Variants in DIP2C observed in about 807,000 individuals in gnomAD.
The protein encoded by DIP2C is disco-interacting protein 2 homolog C.
DIP2C carries 33 observed loss-of-function variants against 192.4 expected under a neutral mutation model. The ratio of observed to expected loss-of-function variants is 0.17; its 90% CI spans 0.13 to 0.23. The LOEUF is 0.23. Ranked by LOEUF, DIP2C falls within the 10% of genes least tolerant of loss-of-function variation. DIP2C has a pLI of 1.00. For missense variants in DIP2C, 1,537 were observed against 2,110.1 expected (o/e 0.73, Z 5.32); for synonymous variants, 979 against 864.1 (o/e 1.13, Z -2.33).
intron 4 of DIP2C, among the ~76,000 whole-genome samples, chr10:438,312 GT>G (rs1967435705): frequency 6.6e-6 from 1 of 152,110 alleles, no homozygotes; most frequent in African/African-American, 2.4e-5. Context: ...ATAAAAAGTG[GT>G]CAAGAAAAAT....
intron 4 of DIP2C, among the ~76,000 whole-genome samples, chr10:425,224 CAG>C: frequency 1.2e-5 from 1 of 86,700 alleles, no homozygotes; most frequent in African/African-American, 4.6e-5. Context: ...ACGGATGATA[CAG>C]CATGACCAGC....
At chr10:463,601 G>C (rs1296633691) in intron 3 of DIP2C, among the ~76,000 whole-genome samples, 1 of 151,882 alleles carries the variant, frequency 6.6e-6, no homozygotes, top group Non-Finnish European at 1.5e-5. Flanking sequence ...TATCCCCATC[G>C]AGCTACCATT....
intron 1 of DIP2C, among the ~76,000 whole-genome samples, chr10:545,081 A>G (rs1365288363): frequency 6.6e-6 from 1 of 151,940 alleles, no homozygotes; most frequent in Non-Finnish European, 1.5e-5. Flanking sequence ...TAGAAACTCA[A>G]AATGTCACAG....
chr10:587,188 A>C (rs1851108040), intron 1 of DIP2C, among the ~76,000 whole-genome samples: 1 of 151,354 alleles, frequency 6.6e-6, no homozygotes, highest in Non-Finnish European at 1.5e-5. Flanking sequence ...AGGGGCAAAC[A>C]GTGCAGGGTC....
chr10:465,102 C>G (rs1011534358), intron 3 of DIP2C, among the ~76,000 whole-genome samples: 9 of 123,852 alleles, frequency 7.3e-5, no homozygotes, highest in Non-Finnish European at 1.3e-4. Context: ...AATTTTAGAC[C>G]AATATCCTTG....
Position 663,142 on chromosome 10 carries a change from T to TGAGGTGAGTTAATGA in DIP2C, c.85+26351_85+26352insTCATTAACTCACCTC, listed in dbSNP as rs1588715335. 4 of 495,160 alleles carry TGAGGTGAGTTAATGA rather than the reference T, an allele frequency of 8.1e-6. No individual in the cohort carries two copies. The East Asian group carries it at 1.2e-4, about 15-fold the overall frequency. 30.7% of individuals were successfully genotyped at this position (495,160 alleles called of 1,614,324 possible). A position where few individuals can be genotyped will look rare whatever the true frequency, so the allele number is the denominator to read the frequency against. On this transcript the variant is annotated intron_variant, in intron 1 of 36. Coordinates refer to ENST00000280886, the MANE Select transcript of DIP2C (RefSeq NM_014974.3). Reference sequence around the variant, plus strand: ...TCCCTGGGGCAGCCCTACCTCAGCATGGGTGAGTTTCTGTTGCAATTCTAT... The same window carrying TGAGGTGAGTTAATGA: ...TCCCTGGGGCAGCCCTACCTCAGCATGAGGTGAGTTAATGAGGGTGAGTTTCTGTTGCAATTCTAT...
At chr10:436,812 G>T in intron 4 of DIP2C, among the ~76,000 whole-genome samples, 1 of 137,636 alleles carries the variant, frequency 7.3e-6, no homozygotes, top group Non-Finnish European at 1.5e-5. Context: ...CCTGGACATG[G>T]TAGGGTGATA....
intron 1 of DIP2C, among the ~76,000 whole-genome samples, chr10:654,051 AG>A (rs1856125715): frequency 6.6e-6 from 1 of 152,224 alleles, no homozygotes. Flanking sequence ...GGAGGTCCCC[AG>A]CCAAGTCCAA....
rs775328852 is a variant in DIP2C, at chr10:327,162, G to T, written c.3768C>A (p.Asp1256Glu). 1.2e-6 allele frequency: 2 copies of T among 1,613,924 alleles called. No individual in the cohort carries two copies. The highest frequency in any genetic ancestry group is 1.7e-6 in the Non-Finnish European group (2 of 1,180,014). ...CCACGCAGGTCCTCACTCGGGACAA[G>T]TCCAGCCCTCGCGCCTGGAGATGAT... ...QTESLKARGL[D>E]LSRVRTCVVV... is the part of the protein sequence containing the mutation. The change falls in exon 31 of 37, where the codon GAC becomes GAA. Residue 1256 changes from aspartate to glutamate, a missense_variant. Coordinates refer to ENST00000280886, the MANE Select transcript of DIP2C (RefSeq NM_014974.3).
intron 1 of DIP2C, among the ~76,000 whole-genome samples, chr10:639,883 G>GT (rs1564294153): frequency 1.3e-5 from 2 of 152,186 alleles, no homozygotes; most frequent in East Asian, 3.8e-4. Flanking sequence ...TGCTTAAAGC[G>GT]TATTTCCAGA....
chr10:412,152 A>T (rs1465843386), intron 8 of DIP2C, among the ~76,000 whole-genome samples: 1 of 152,256 alleles, frequency 6.6e-6, no homozygotes, highest in Non-Finnish European at 1.5e-5. Flanking sequence ...TTCCAGCAGC[A>T]GAGAGTGGCG....
intron 2 of DIP2C, 62 bp downstream of exon 2, chr10:486,397 T>C (rs1217915304): frequency 2.9e-5 from 42 of 1,449,172 alleles, no homozygotes; most frequent in Non-Finnish European, 3.1e-5. Context: ...TCCAGATGTT[T>C]CTCTGGCACA....
At chr10:488,296 A>G (rs1403000600) in intron 1 of DIP2C, among the ~76,000 whole-genome samples, 5 of 152,204 alleles carry the variant, frequency 3.3e-5, no homozygotes, top group Non-Finnish European at 7.3e-5. Flanking sequence ...CTCTGTGCTC[A>G]CGGCCTGCTC....
intron 1 of DIP2C, among the ~76,000 whole-genome samples, chr10:561,149 G>A (rs781025005): frequency 6.6e-6 from 1 of 152,174 alleles, no homozygotes; most frequent in Non-Finnish European, 1.5e-5. Flanking sequence ...TGACCACCTT[G>A]GGAATAGGTT....
At chr10:411,456 C>T (rs1292391543) in intron 8 of DIP2C, among the ~76,000 whole-genome samples, 1 of 152,224 alleles carries the variant, frequency 6.6e-6, no homozygotes. Context: ...GCCACCTACA[C>T]TTTCTGTTAC....
intron 1 of DIP2C, among the ~76,000 whole-genome samples, chr10:506,830 C>G (rs764322754): frequency 1.3e-5 from 2 of 152,234 alleles, no homozygotes; most frequent in Non-Finnish European, 1.5e-5. Flanking sequence ...GGTCCTGCAC[C>G]CGCCAGCTGT....
At chr10:567,867 T>C (rs1849543440) in intron 1 of DIP2C, among the ~76,000 whole-genome samples, 1 of 152,126 alleles carries the variant, frequency 6.6e-6, no homozygotes, top group African/African-American at 2.4e-5. Context: ...TGACCTCCGG[T>C]GATCCACCCA....
chr10:555,867 C>A (rs915282245), intron 1 of DIP2C, among the ~76,000 whole-genome samples: 3 of 152,132 alleles, frequency 2.0e-5, no homozygotes, highest in Non-Finnish European at 4.4e-5. Context: ...ATCTTCAAGT[C>A]ACAGAACACG....
chr10:521,394 G>GA (rs1846699516), intron 1 of DIP2C, among the ~76,000 whole-genome samples: 1 of 152,128 alleles, frequency 6.6e-6, no homozygotes, highest in African/African-American at 2.4e-5. Context: ...CAATGATAAG[G>GA]AAAACTCGTC....
Sources: allele counts gnomAD v4.1 joint callset (sites outside exome capture counted in the v4.1 genomes callset), GRCh38; gene constraint gnomAD v4.1.1; transcripts MANE v1.5; gene names NCBI Gene and HGNC (gene_info 2026-07-23, HGNC 2026-07-21).